Variants in STK32A observed in about 807,000 individuals in gnomAD.
STK32A encodes serine/threonine kinase 32A, also known as serine/threonine-protein kinase 32A.
In STK32A, 41 loss-of-function variants were observed where a neutral mutation model predicts 53.2. The observed-to-expected ratio is 0.77, with a 90% confidence interval of 0.60 to 1.00. The LOEUF (loss-of-function observed/expected upper bound fraction) is 1.00. Ranked by LOEUF, STK32A falls within the 50% of genes least tolerant of loss-of-function variation. The pLI is 0.00. For missense variants in STK32A, 458 were observed against 485.8 expected, an observed-to-expected ratio of 0.94 and a Z score of 0.54; for synonymous variants, 166 against 162.8, an observed-to-expected ratio of 1.02 and a Z score of -0.15.
At chr5:147,377,413 T>C (rs1313830588) in intron 11 of STK32A, among the ~76,000 whole-genome samples, 1 of 152,144 alleles carries the variant, frequency 6.6e-6, no homozygotes, top group Non-Finnish European at 1.5e-5. Flanking sequence ...TTGAGCTTCC[T>C]CAGGACAATT....
the STK32A span, among the ~76,000 whole-genome samples, chr5:147,399,647 C>T: frequency 6.6e-6 from 1 of 152,254 alleles, no homozygotes; most frequent in East Asian, 1.9e-4. Context: ...AGAATAAATA[C>T]AAAAGAACCT....
rs192186405 is a variant in STK32A at position 147,386,527 on chromosome 5, G to A, written c.*2544G>A. On this transcript the variant is annotated 3_prime_UTR_variant, in exon 13 of 13. Coordinates refer to ENST00000397936, the MANE Select transcript of STK32A (RefSeq NM_001112724.2). ...ACCATTAGGATCTCCACTGTGATGA[G>A]AGTTAAGCCATAGTGCCATTTCACA... The A allele has an allele frequency of 2.0e-4, 30 of 152,330 alleles. No individual in the cohort carries two copies. Among genetic ancestry groups the A allele is most frequent in the African/African-American group, 7.0e-4 (29 of 41,568 alleles). 9.4% of individuals were successfully genotyped at this position (152,330 alleles called of 1,614,324 possible).
At chr5:147,377,443 T>G (rs550085693) in intron 11 of STK32A, among the ~76,000 whole-genome samples, 17 of 152,136 alleles carry the variant, frequency 1.1e-4, no homozygotes, top group African/African-American at 1.7e-4. Context: ...TGATTTTAAG[T>G]CTTTGAATGG....
chr5:147,238,416 G>GT lies in STK32A; in HGVS notation c.-96-1122dup, dbSNP rs1176501931. Among the ~76,000 whole-genome samples, 10 of 152,156 alleles carry GT rather than the reference G, an allele frequency of 6.6e-5. No homozygotes were observed. The East Asian group carries it at 1.9e-3, about 29-fold the overall frequency. On this transcript the variant is annotated intron_variant, in intron 1 of 12. Coordinates refer to ENST00000397936, the MANE Select transcript of STK32A (RefSeq NM_001112724.2). ...CACTGTCATTTCCCCCATTCTAGAG[G>GT]TGAGAGGTTACATAACTGGGCCAAA...
chr5:147,305,044 A>G (rs1459092119), intron 4 of STK32A, among the ~76,000 whole-genome samples: 1 of 152,102 alleles, frequency 6.6e-6, no homozygotes, highest in Admixed American at 6.6e-5. Flanking sequence ...TGATTACTCC[A>G]CTGCACTCCA....
At chr5:147,395,727 G>A in the STK32A span, 1 of 1,613,518 alleles carries the variant, frequency 6.2e-7, no homozygotes, top group African/African-American at 1.3e-5. Context: ...GCCATCTGCA[G>A]CCAGAGAAGA....
chr5:147,306,893 C>A (rs1289281332), intron 4 of STK32A, among the ~76,000 whole-genome samples: 4 of 151,950 alleles, frequency 2.6e-5, no homozygotes, highest in Non-Finnish European at 5.9e-5. Context: ...TGACAATAGG[C>A]ATATAGCCTA....
intron 5 of STK32A, among the ~76,000 whole-genome samples, chr5:147,327,212 A>G (rs1446352334): frequency 6.6e-6 from 1 of 152,238 alleles, no homozygotes; most frequent in Admixed American, 6.5e-5. Flanking sequence ...CTCCTGGGCC[A>G]GAGAGTGCAA....
intron 4 of STK32A, among the ~76,000 whole-genome samples, chr5:147,311,933 T>A (rs989487111): frequency 6.6e-6 from 1 of 151,992 alleles, no homozygotes; most frequent in Admixed American, 6.6e-5. Context: ...ACCTGGGTGC[T>A]ATGGAAGGGC....
At chr5:147,271,495 G>A (rs1755030586) in intron 2 of STK32A, among the ~76,000 whole-genome samples, 2 of 152,214 alleles carry the variant, frequency 1.3e-5, no homozygotes, top group Non-Finnish European at 2.9e-5. Flanking sequence ...CAGGGAATAA[G>A]AGAGATAACC....
intron 2 of STK32A, among the ~76,000 whole-genome samples, chr5:147,241,384 C>A (rs1753570118): frequency 6.6e-6 from 1 of 152,154 alleles, no homozygotes; most frequent in Non-Finnish European, 1.5e-5. Flanking sequence ...GAGGCTGAGG[C>A]AGGAGAATGG....
At chr5:147,321,983 T>C (rs977361218) in intron 4 of STK32A, among the ~76,000 whole-genome samples, 1 of 152,208 alleles carries the variant, frequency 6.6e-6, no homozygotes, top group South Asian at 2.1e-4. Flanking sequence ...TTCTCTTACC[T>C]TAGCGGAGAA....
chr5:147,336,448 G>C (rs973328098), intron 5 of STK32A, among the ~76,000 whole-genome samples: 6 of 151,924 alleles, frequency 3.9e-5, no homozygotes, highest in African/African-American at 1.5e-4. Context: ...TCTGATGAAA[G>C]GATGACTGTG....
chr5:147,363,102 A>G (rs1159787088), intron 8 of STK32A, among the ~76,000 whole-genome samples: 1 of 114,568 alleles, frequency 8.7e-6, no homozygotes, highest in African/African-American at 3.9e-5. Context: ...AAACAAAACA[A>G]AAAACAAACA....
At chr5:147,353,178 C>T (rs1330261484) in intron 7 of STK32A, among the ~76,000 whole-genome samples, 2 of 152,110 alleles carry the variant, frequency 1.3e-5, no homozygotes, top group East Asian at 3.9e-4. Flanking sequence ...ATAGTGCTTT[C>T]TAGGAAAAGA....
Position 147,373,281 on chromosome 5 carries a change from G to A in STK32A, c.890G>A (p.Gly297Asp), listed in dbSNP as rs752504697. ...GTTTTTCAGAAGAGGCTCATTCCAGGTTTCATTCCTAATGTGAGTCAATCC... is the reference window on the plus strand; with the variant it reads ...GTTTTTCAGAAGAGGCTCATTCCAGATTTCATTCCTAATGTGAGTCAATCC... Reference protein sequence around the residue: ...DAVFQKRLIPGFIPNKGRLNC... With the variant: ...DAVFQKRLIPDFIPNKGRLNC... Residue 297 changes from glycine to aspartate, a missense_variant, in exon 10 of 13, where the codon GGT becomes GAT. Coordinates refer to ENST00000397936, the MANE Select transcript of STK32A (RefSeq NM_001112724.2). 6.2e-7 allele frequency: 1 copy of A among 1,613,174 alleles called. No homozygotes were observed. Among genetic ancestry groups the A allele is most frequent in the Non-Finnish European group, 8.5e-7 (1 of 1,179,490 alleles).
chr5:147,341,068 A>G (rs1647105803), intron 5 of STK32A, among the ~76,000 whole-genome samples: 1 of 152,244 alleles, frequency 6.6e-6, no homozygotes, highest in African/African-American at 2.4e-5. Flanking sequence ...CAGAAAGCTC[A>G]TAAAATGTCA....
chr5:147,369,371 T>C (rs1269355840), intron 8 of STK32A, among the ~76,000 whole-genome samples: 1 of 152,218 alleles, frequency 6.6e-6, no homozygotes, highest in Non-Finnish European at 1.5e-5. Context: ...TGCTGTTCAC[T>C]ATTCATTCAC....
chr5:147,306,904 C>T (rs1040860583), intron 4 of STK32A, among the ~76,000 whole-genome samples: 8 of 152,092 alleles, frequency 5.3e-5, no homozygotes, highest in African/African-American at 1.7e-4. Flanking sequence ...ATATAGCCTA[C>T]ATGTAATTGA....
Sources: gnomAD v4.1 joint callset for allele counts (sites outside exome capture counted in the v4.1 genomes callset) on GRCh38, gnomAD v4.1.1 for gene constraint, MANE v1.5 for transcripts, NCBI Gene and HGNC (gene_info 2026-07-23, HGNC 2026-07-21) for gene names.